The following TMEM179 variants were observed in gnomAD, a reference collection of about 807,000 sequenced individuals.
The protein encoded by TMEM179 is transmembrane protein 179, also known as transmembrane protein 179A.
Under a neutral mutation model 22.2 loss-of-function variants are expected in TMEM179, and 17 were observed. That is an observed-to-expected ratio of 0.77 (90% CI 0.52 to 1.15). The LOEUF is 1.15. Ranked by LOEUF, TMEM179 falls within the 50% of genes most tolerant of loss-of-function variation. The probability of loss-of-function intolerance (pLI) is 0.00; values close to 1 mark genes in which losing one functional copy is unlikely to be tolerated. For missense variants in TMEM179, 265 were observed against 313.6 expected, an observed-to-expected ratio of 0.84 and a Z score of 1.17; for synonymous variants, 127 against 140.5, an observed-to-expected ratio of 0.90 and a Z score of 0.68.
chr14:104,599,375 T>A (rs1566745099), intron 1 of TMEM179, among the ~76,000 whole-genome samples: 1 of 152,140 alleles, frequency 6.6e-6, no homozygotes, highest in African/African-American at 2.4e-5. Context: ...CCACTGAAAG[T>A]CACTGCTCCT....
At position 104,591,323 on chromosome 14, in the gene TMEM179, C is replaced by T. The variant is rs1344701291; in HGVS notation, c.*2156G>A. The stretch of plus-strand genomic sequence containing the variant: ...CTGCCTCCTGCCCCTCCTTCAGGGC[C>T]CTAGATGGCTGTGGCCTGGATCAGG... On this transcript the variant is annotated 3_prime_UTR_variant, in exon 4 of 4. Coordinates refer to ENST00000556573, the MANE Select transcript of TMEM179 (RefSeq NM_001286389.2). The T allele has an allele frequency of 6.6e-6, 3 of 454,478 alleles. No homozygotes were observed. Among genetic ancestry groups the T allele is most frequent in the Non-Finnish European group, 1.3e-5 (3 of 226,310 alleles). 28.2% of individuals were successfully genotyped at this position (454,478 alleles called of 1,614,324 possible). A position where few individuals can be genotyped will look rare whatever the true frequency, so the allele number is the denominator to read the frequency against.
Position 104,604,353 on chromosome 14 carries a change from G to A in TMEM179, c.305+84C>T. 2.9e-6 allele frequency: 4 copies of A among 1,371,806 alleles called. No homozygotes were observed. Among genetic ancestry groups the A allele is most frequent in the Non-Finnish European group, 3.8e-6 (4 of 1,055,254 alleles). The allele number at this position is 1,371,806 out of a possible 1,614,324, so 85.0% of individuals were successfully genotyped here. A position where few individuals can be genotyped will look rare whatever the true frequency, so the allele number is the denominator to read the frequency against. ...CTCGGAGCTGCCTGAGAGACGGAGG[G>A]ACTCGCGCGCCTCCCCGGGGAGGTG... On this transcript the variant is annotated intron_variant, in intron 1 of 3. Transcript: ENST00000556573. The surrounding 1 kb of genome is among the most constrained non-coding windows in gnomAD (Gnocchi z 4.6).
In TMEM179 at chr14:104,593,236, C is replaced by T. The variant is rs28656783; in HGVS notation, c.*243G>A. On this transcript the variant is annotated 3_prime_UTR_variant, in exon 4 of 4. Coordinates refer to ENST00000556573, the MANE Select transcript of TMEM179 (RefSeq NM_001286389.2). ...GAGGCCTGGAGGTGCCCCCCGCCCC[C>T]GCCCCACACCCATAGTCTCTCTGCA... 312,340 of 557,414 alleles carry T rather than the reference C, an allele frequency of 0.56. 94,937 individuals carry two copies. The highest frequency in any genetic ancestry group is 0.64 in the Non-Finnish European group (202,558 of 317,326). The allele number at this position is 557,414 out of a possible 1,614,324, so 34.5% of individuals were successfully genotyped here. A position where few individuals can be genotyped will look rare whatever the true frequency, so the allele number is the denominator to read the frequency against.
chr14:104,594,357 A>G (rs1886946290), intron 3 of TMEM179: 7 of 1,231,712 alleles, frequency 5.7e-6, no homozygotes, highest in Non-Finnish European at 3.0e-6. Flanking sequence ...CACGGCCAGC[A>G]AGAGCCTTCA....
rs1286831677 is a variant in TMEM179, at chr14:104,595,114, A to G, written c.522+51T>C. 6.2e-7 allele frequency: 1 copy of G among 1,611,812 alleles called. No individual in the cohort carries two copies. Among genetic ancestry groups the G allele is most frequent in the Admixed American group, 1.7e-5 (1 of 59,782 alleles). On this transcript the variant is annotated intron_variant, in intron 3 of 3. Coordinates refer to ENST00000556573, the MANE Select transcript of TMEM179 (RefSeq NM_001286389.2). This position sits in a 1 kb window ranked among gnomAD's most constrained non-coding sequence, Gnocchi z 5.7. ...GAGCTCAGCAAATGTCCAGCAGTAA[A>G]TGGCCCCCTCCCAGCATTGCAAGCC...
chr14:104,596,435 G>A (rs567851279), intron 2 of TMEM179, among the ~76,000 whole-genome samples: 51 of 152,238 alleles, frequency 3.4e-4, no homozygotes, highest in African/African-American at 1.2e-3. Flanking sequence ...TCCCCAACCC[G>A]CCTGGGAGCT....
chr14:104,594,221 C>T (rs1596295792), intron 3 of TMEM179: 5 of 1,231,888 alleles, frequency 4.1e-6, no homozygotes, highest in Middle Eastern at 3.1e-4. Flanking sequence ...AGGCCTCTTC[C>T]ACTCACTAAA....
At chr14:104,594,274 A>G in intron 3 of TMEM179, 1 of 1,231,766 alleles carries the variant, frequency 8.1e-7, no homozygotes, top group South Asian at 4.1e-5. Flanking sequence ...CATCTCGGCA[A>G]AGAGCATTCA....
Position 104,604,477 on chromosome 14 carries a change from C to T in TMEM179, c.265G>A (p.Ala89Thr), listed in dbSNP as rs908571796. 1.9e-6 allele frequency: 3 copies of T among 1,580,802 alleles called. No individual in the cohort carries two copies. The highest frequency in any genetic ancestry group is 2.6e-6 in the Non-Finnish European group (3 of 1,167,164). ...LLSLLLAAAH[A>T]WRTLFFLCKG... ...CAGAGGAAGAAGAGCGTGCGCCAGG[C>T]GTGCGCGGCGGCCAGCAGCAGAGAC... Residue 89 changes from alanine to threonine, a missense_variant, in exon 1 of 4, where the codon GCC becomes ACC. By Grantham distance (58) the Ala-to-Thr change is moderately conservative. Transcript: ENST00000556573. This position sits in a 1 kb window ranked among gnomAD's most constrained non-coding sequence, Gnocchi z 4.6.
At position 104,596,971 on chromosome 14, in the gene TMEM179, G is replaced by GC; in HGVS notation, c.443+18dup. 6.3e-7 allele frequency: 1 copy of GC among 1,591,620 alleles called. No individual in the cohort carries two copies. The highest frequency in any genetic ancestry group is 1.1e-5 in the South Asian group (1 of 90,076). ...TCCGGGGAGGTGGGCGGAGGCCGAG[G>GC]CGGGTGGGGCGGGCGCACCTGTGGG... is the stretch of plus-strand genomic sequence containing the variant. On this transcript the variant is annotated intron_variant, in intron 2 of 3. Transcript: ENST00000556573.
rs1410145324 is a variant in TMEM179 at position 104,604,734 on chromosome 14, A to G, written c.8T>C (p.Leu3Pro). The change falls in exon 1 of 4, where the codon CTC becomes CCC. Residue 3 changes from leucine to proline, a missense_variant. Leu to Pro is a moderately conservative substitution (Grantham distance 98). Transcript: ENST00000556573. The surrounding 1 kb of genome is among the most constrained non-coding windows in gnomAD (Gnocchi z 4.6). ...GCACTGAGCGAAAAGGAAATTGTTG[A>G]GCGCCATGGCCGGCCCGGGCGAGAG... MA[L>P]NNFLFAQCAC... 7.0e-6 allele frequency: 11 copies of G among 1,567,374 alleles called. No individual in the cohort carries two copies. Among genetic ancestry groups the G allele is most frequent in the Non-Finnish European group, 9.5e-6 (11 of 1,160,190 alleles).
At position 104,597,827 on chromosome 14, in the gene TMEM179, G is replaced by A. The variant is rs1887089509; in HGVS notation, c.306-700C>T. Among the ~76,000 whole-genome samples, 1 of 152,232 alleles carries A rather than the reference G, an allele frequency of 6.6e-6. No homozygotes were observed. Among genetic ancestry groups the A allele is most frequent in the Non-Finnish European group, 1.5e-5 (1 of 68,038 alleles). ...CCGCAGGTCATCAGCGCGTGGCCTG[G>A]ACCCCTGGTAGGACTTGCTTGATGG... On this transcript the variant is annotated intron_variant, in intron 1 of 3. Transcript: ENST00000556573. The surrounding 1 kb of genome is among the most constrained non-coding windows in gnomAD (Gnocchi z 4.8).
chr14:104,601,258 T>TA (rs764006619), intron 1 of TMEM179, among the ~76,000 whole-genome samples: 2 of 152,200 alleles, frequency 1.3e-5, no homozygotes, highest in Non-Finnish European at 2.9e-5. Flanking sequence ...GTTGGCCAGA[T>TA]AACTGAGTCT....
rs1367404612 is a variant in TMEM179 at position 104,595,503 on chromosome 14, G to A, written c.444-260C>T. Among the ~76,000 whole-genome samples, 1 of 152,162 alleles carries A rather than the reference G, an allele frequency of 6.6e-6. No homozygotes were observed. Among genetic ancestry groups the A allele is most frequent in the Non-Finnish European group, 1.5e-5 (1 of 68,006 alleles). On this transcript the variant is annotated intron_variant, in intron 2 of 3. Coordinates refer to ENST00000556573, the MANE Select transcript of TMEM179 (RefSeq NM_001286389.2). The surrounding 1 kb of genome is among the most constrained non-coding windows in gnomAD (Gnocchi z 5.7). ...GCCAGAAGACGCCAGCTCTGCCTCT[G>A]CCCTCCTGGACCCTCTGCCCCCCAT...
chr14:104,598,743 G>A (rs1887132601), intron 1 of TMEM179, among the ~76,000 whole-genome samples: 1 of 152,212 alleles, frequency 6.6e-6, no homozygotes, highest in African/African-American at 2.4e-5. Flanking sequence ...ACTGGCCCCA[G>A]TCCCGGACAC....
chr14:104,604,706 G>A lies in TMEM179; in HGVS notation c.36C>T (p.Ala12=), dbSNP rs1333695387. The A allele has an allele frequency of 2.5e-6, 4 of 1,590,408 alleles. No homozygotes were observed. The highest frequency in any genetic ancestry group is 3.4e-6 in the Non-Finnish European group (4 of 1,170,268). The stretch of plus-strand genomic sequence containing the variant: ...TGAACAGGAAGGCCAAGAAGTAGCA[G>A]GCGCACTGAGCGAAAAGGAAATTGT... The part of the protein sequence containing the change: ...ALNNFLFAQC[A]CYFLAFLFSF... The change falls in exon 1 of 4, where the codon GCC becomes GCT. Residue 12 remains alanine (A), a synonymous_variant. Transcript: ENST00000556573. This position sits in a 1 kb window ranked among gnomAD's most constrained non-coding sequence, Gnocchi z 4.6.
rs1324528169 is a variant in TMEM179, at chr14:104,595,917, C to T, written c.444-674G>A. Among the ~76,000 whole-genome samples the T allele has an allele frequency of 1.3e-5, 2 of 152,262 alleles. No homozygotes were observed. Among genetic ancestry groups the T allele is most frequent in the Non-Finnish European group, 2.9e-5 (2 of 68,044 alleles). On this transcript the variant is annotated intron_variant, in intron 2 of 3. Transcript: ENST00000556573. This position sits in a 1 kb window ranked among gnomAD's most constrained non-coding sequence, Gnocchi z 5.7. ...AGAGGGGGCCCAGCGGCCCCAAATC[C>T]CTGGAGGGGCTGAAGGGCTGGAAAC...
At position 104,597,111 on chromosome 14, in the gene TMEM179, A is replaced by G; in HGVS notation, c.322T>C (p.Phe108Leu). 1 of 1,600,716 alleles carries G rather than the reference A, an allele frequency of 6.2e-7. No individual in the cohort carries two copies. The highest frequency in any genetic ancestry group is 8.5e-7 in the Non-Finnish European group (1 of 1,174,608). ...KGHEGSFFSA[F>L]LNLLVSAFVV... ...AAGGCGCTGACCAGGAGGTTCAGGA[A>G]GGCGGAGAAGAAGGAGCTGCAGCCA... Residue 108 changes from phenylalanine to leucine, a missense_variant, in exon 2 of 4, where the codon TTC becomes CTC. Physicochemically the swap from Phe to Leu is conservative, Grantham distance 22. Transcript: ENST00000556573. The surrounding 1 kb of genome is among the most constrained non-coding windows in gnomAD (Gnocchi z 4.8).
At position 104,597,020 on chromosome 14, in the gene TMEM179, G is replaced by C. The variant is rs773462470; in HGVS notation, c.413C>G (p.Thr138Ser). ...VSVGFTMWCD[T>S]ITEKGTVPHS... ...GGGTACGGTGCCCTTCTCGGTGATG[G>C]TGTCGCACCACATGGTGAAGCCCAC... The change falls in exon 2 of 4, where the codon ACC (threonine) becomes AGC (serine). Residue 138 changes from threonine to serine, a missense_variant. Coordinates refer to ENST00000556573, the MANE Select transcript of TMEM179 (RefSeq NM_001286389.2). This position sits in a 1 kb window ranked among gnomAD's most constrained non-coding sequence, Gnocchi z 4.8. 1.3e-5 allele frequency: 21 copies of C among 1,609,508 alleles called. No individual in the cohort carries two copies. The highest frequency in any genetic ancestry group is 4.4e-5 in the South Asian group (4 of 90,530).
Sources: allele counts gnomAD v4.1 joint callset (sites outside exome capture counted in the v4.1 genomes callset), GRCh38; gene constraint gnomAD v4.1.1; non-coding constraint Gnocchi (gnomAD v3.1); transcripts MANE v1.5; gene names NCBI Gene and HGNC (gene_info 2026-07-23, HGNC 2026-07-21).